The following PPARGC1A variants were observed in gnomAD, a reference collection of about 807,000 sequenced individuals.
PPARGC1A encodes peroxisome proliferator-activated receptor gamma coactivator 1-alpha.
In PPARGC1A, 25 loss-of-function variants were observed where a neutral mutation model predicts 88.7. The ratio of observed to expected loss-of-function variants is 0.28; its 90% CI spans 0.21 to 0.39. The LOEUF is 0.39. Ranked by LOEUF, PPARGC1A falls within the 10% of genes least tolerant of loss-of-function variation. The pLI is 1.00. For synonymous variants in PPARGC1A, 363 were observed against 355.6 expected, an observed-to-expected ratio of 1.02 and a Z score of -0.24; for missense variants, 880 against 968.7, an observed-to-expected ratio of 0.91 and a Z score of 1.22.
chr4:24,163,145 T>TC, the PPARGC1A span, among the ~76,000 whole-genome samples: 3,096 of 149,584 alleles, frequency 0.021, 123 homozygotes, highest in African/African-American at 0.072. Flanking sequence ...ATTTGAATGC[T>TC]CCCCAAGCCC....
the PPARGC1A span, among the ~76,000 whole-genome samples, chr4:24,134,153 G>C: frequency 1.1e-4 from 17 of 152,138 alleles, no homozygotes; most frequent in Non-Finnish European, 2.9e-5. Flanking sequence ...CATTCCTTCC[G>C]ATACCTTTGC....
At chr4:24,249,543 A>G in the PPARGC1A span, among the ~76,000 whole-genome samples, 1 of 152,204 alleles carries the variant, frequency 6.6e-6, no homozygotes, top group African/African-American at 2.4e-5. Context: ...CGCCATGAAG[A>G]CAGAATTCTC....
At chr4:24,020,673 G>A in the PPARGC1A span, among the ~76,000 whole-genome samples, 1 of 152,064 alleles carries the variant, frequency 6.6e-6, no homozygotes, top group Admixed American at 6.5e-5. Flanking sequence ...GGGGAGTGGG[G>A]AGTGGGTGTT....
the PPARGC1A span, among the ~76,000 whole-genome samples, chr4:24,363,683 T>A: frequency 4.6e-5 from 7 of 152,172 alleles, no homozygotes; most frequent in African/African-American, 1.7e-4. Context: ...CAGTTTATCA[T>A]AAACAATACA....
intron 7 of PPARGC1A, among the ~76,000 whole-genome samples, chr4:23,822,425 T>C (rs977404949): frequency 6.6e-6 from 1 of 152,136 alleles, no homozygotes; most frequent in Non-Finnish European, 1.5e-5. Context: ...TGTCATTCAC[T>C]AGGATGATAG....
chr4:24,101,233 C>A, the PPARGC1A span, among the ~76,000 whole-genome samples: 2 of 152,144 alleles, frequency 1.3e-5, no homozygotes, highest in Non-Finnish European at 2.9e-5. Flanking sequence ...AAGTATGTAT[C>A]ACCTTCAACC....
chr4:24,333,472 GT>G, the PPARGC1A span, among the ~76,000 whole-genome samples: 1 of 152,060 alleles, frequency 6.6e-6, no homozygotes, highest in African/African-American at 2.4e-5. Flanking sequence ...TTCTTCACTC[GT>G]TTTTATTCTG....
the PPARGC1A span, among the ~76,000 whole-genome samples, chr4:24,397,836 A>C: frequency 6.6e-6 from 1 of 152,232 alleles, no homozygotes. Context: ...AGCGAGATGC[A>C]AAACAGTGTA....
the PPARGC1A span, among the ~76,000 whole-genome samples, chr4:24,357,983 TC>T: frequency 6.6e-6 from 1 of 152,230 alleles, no homozygotes; most frequent in Non-Finnish European, 1.5e-5. Context: ...TTAATCTATC[TC>T]TAAAGGTGGT....
the PPARGC1A span, among the ~76,000 whole-genome samples, chr4:24,333,102 C>T: frequency 6.6e-5 from 10 of 152,082 alleles, no homozygotes; most frequent in African/African-American, 2.4e-4. Flanking sequence ...ATTAGCTGGG[C>T]GTGGTGACAC....
the PPARGC1A span, among the ~76,000 whole-genome samples, chr4:24,345,382 C>T: frequency 6.6e-6 from 1 of 152,006 alleles, no homozygotes; most frequent in East Asian, 1.9e-4. Context: ...TGATTCTACC[C>T]GTCCATGACC....
At chr4:24,071,070 C>G in the PPARGC1A span, among the ~76,000 whole-genome samples, 1 of 152,192 alleles carries the variant, frequency 6.6e-6, no homozygotes. Flanking sequence ...GCTACCTGAT[C>G]AAACGCTTTC....
At chr4:23,945,608 T>C in the PPARGC1A span, among the ~76,000 whole-genome samples, 1 of 152,040 alleles carries the variant, frequency 6.6e-6, no homozygotes, top group African/African-American at 2.4e-5. Flanking sequence ...CAATAGGAAG[T>C]TGAGTAAGCG....
the PPARGC1A span, among the ~76,000 whole-genome samples, chr4:24,436,603 C>T: frequency 2.6e-4 from 39 of 148,168 alleles, no homozygotes; most frequent in East Asian, 6.0e-3. Context: ...GAGCTGACAT[C>T]GATTGGCCAC....
the PPARGC1A span, among the ~76,000 whole-genome samples, chr4:23,932,061 T>A: frequency 6.6e-6 from 1 of 152,180 alleles, no homozygotes. Context: ...GTTGCCATAG[T>A]GGTGGTGGTC....
chr4:24,074,103 G>C, the PPARGC1A span, among the ~76,000 whole-genome samples: 1 of 152,098 alleles, frequency 6.6e-6, no homozygotes, highest in East Asian at 1.9e-4. Context: ...CCCGCAAAAG[G>C]GATTTCCACT....
the PPARGC1A span, among the ~76,000 whole-genome samples, chr4:24,341,753 T>A: frequency 0.19 from 29,174 of 152,110 alleles, 2,957 homozygotes; most frequent in South Asian, 0.24. Flanking sequence ...GAGCTTAACA[T>A]GTTTGAGACA....
Position 23,795,433 on chromosome 4 carries a change from A to T in PPARGC1A, c.*389T>A, listed in dbSNP as rs1717406128. ...TGGTTTGCCCTTGCGCATTCTGGTCAGGTGCCCCCAGTCCTCACATGTACC... is the reference window on the plus strand; with the variant it reads ...TGGTTTGCCCTTGCGCATTCTGGTCTGGTGCCCCCAGTCCTCACATGTACC... On this transcript the variant is annotated 3_prime_UTR_variant, in exon 13 of 13. Coordinates refer to ENST00000264867, the MANE Select transcript of PPARGC1A (RefSeq NM_013261.5). 1 of 156,294 alleles carries T rather than the reference A, an allele frequency of 6.4e-6. No individual in the cohort carries two copies. The highest frequency in any genetic ancestry group is 2.0e-4 in the South Asian group (1 of 5,106). 9.7% of individuals were successfully genotyped at this position (156,294 alleles called of 1,614,324 possible). A position where few individuals can be genotyped will look rare whatever the true frequency, so the allele number is the denominator to read the frequency against.
the PPARGC1A span, among the ~76,000 whole-genome samples, chr4:24,469,667 C>A: frequency 2.0e-5 from 3 of 152,170 alleles, no homozygotes; most frequent in African/African-American, 2.4e-5. Context: ...ATCAGAAATT[C>A]TTTCGATTTT....
Sources: gnomAD v4.1 joint callset for allele counts (sites outside exome capture counted in the v4.1 genomes callset) on GRCh38, gnomAD v4.1.1 for gene constraint, MANE v1.5 for transcripts, NCBI Gene and HGNC (gene_info 2026-07-23, HGNC 2026-07-21) for gene names.